The following ADCY10 variants were observed in gnomAD, a reference collection of about 807,000 sequenced individuals.
ADCY10 encodes adenylate cyclase 10.
A neutral mutation model predicts 183.3 loss-of-function variants in ADCY10; 156 were observed. The ratio of observed to expected loss-of-function variants is 0.85; its 90% CI spans 0.75 to 0.97. The LOEUF is 0.97. ADCY10 is among the 50% of genes least tolerant of loss of function. The probability of loss-of-function intolerance (pLI) is 0.00; values close to 1 mark genes in which losing one functional copy is unlikely to be tolerated. For missense variants in ADCY10, 1,745 were observed against 1,934.3 expected (o/e 0.90, Z 1.84); for synonymous variants, 645 against 670.0 (o/e 0.96, Z 0.58).
At chr1:167,846,284 A>G (rs1217768263) in intron 19 of ADCY10, 21 bp from the exon 20 acceptor site, 3 of 1,613,754 alleles carry the variant, frequency 1.9e-6, no homozygotes, top group African/African-American at 1.3e-5. Flanking sequence ...AAGGCCACAC[A>G]GTAGAAAACT....
At chr1:167,865,864 C>A (rs1049606122) in intron 14 of ADCY10, among the ~76,000 whole-genome samples, 6 of 152,174 alleles carry the variant, frequency 3.9e-5, no homozygotes, top group African/African-American at 1.4e-4. Context: ...GTCCACCAGG[C>A]GTGGGCTGCA....
intron 6 of ADCY10, among the ~76,000 whole-genome samples, 155 bp downstream of exon 6, chr1:167,899,268 C>T (rs879871040): frequency 2.0e-5 from 3 of 152,190 alleles, no homozygotes; most frequent in Non-Finnish European, 4.4e-5. Context: ...GAGGAGCTGC[C>T]CTGGACTAAA....
chr1:167,832,844 C>A, intron 25 of ADCY10, 143 bp downstream of exon 25: 1 of 823,720 alleles, frequency 1.2e-6, no homozygotes, highest in South Asian at 1.6e-5. Flanking sequence ...CCCACACTCG[C>A]CCCCTCCCCA....
At chr1:167,867,349 G>A (rs1029020304) in intron 14 of ADCY10, among the ~76,000 whole-genome samples, 3 of 152,086 alleles carry the variant, frequency 2.0e-5, no homozygotes, top group African/African-American at 7.2e-5. Flanking sequence ...AACTCATCAC[G>A]GGACTCATTT....
intron 32 of ADCY10, 101 bp downstream of exon 32, chr1:167,810,624 T>C: frequency 2.7e-6 from 3 of 1,097,070 alleles, no homozygotes; most frequent in Non-Finnish European, 4.1e-6. Context: ...TAAGATATTT[T>C]GTTAATGGCA....
chr1:167,904,520 C>G (rs1372644487), intron 2 of ADCY10: 5 of 258,476 alleles, frequency 1.9e-5, no homozygotes, highest in African/African-American at 2.2e-5. Context: ...CTTCCAAATT[C>G]TCAACTGTAC....
Position 167,899,446 on chromosome 1 carries a change from C to G in ADCY10, c.619G>C (p.Val207Leu). ...CDRSMIEIES[V>L]PDQRAVKVNF... ...ACCTTAACTGCTCTCTGATCTGGAA[C>G]ACTCTCAATTTCAATCATGCTCCGG... The change falls in exon 6 of 33, where the codon GTT becomes CTT. Residue 207 changes from valine to leucine, a missense_variant. Transcript: ENST00000367851. 6.2e-7 allele frequency: 1 copy of G among 1,614,214 alleles called. No individual in the cohort carries two copies. The highest frequency in any genetic ancestry group is 8.5e-7 in the Non-Finnish European group (1 of 1,180,040).
rs956009218 is a variant in ADCY10, at chr1:167,834,214, C to T, written c.3310-137G>A. ...ACCACCTCCACTTCCATCCCCAGCT[C>T]CACTGATTAAAATGGGCTTCCAAAT... On this transcript the variant is annotated intron_variant, in intron 23 of 32. Transcript: ENST00000367851. The T allele has an allele frequency of 1.3e-5, 9 of 713,764 alleles. No individual in the cohort carries two copies. The African/African-American group carries it at 1.6e-4, about 13-fold the overall frequency. 44.2% of individuals were successfully genotyped at this position (713,764 alleles called of 1,614,324 possible). A position where few individuals can be genotyped will look rare whatever the true frequency, so the allele number is the denominator to read the frequency against.
intron 14 of ADCY10, among the ~76,000 whole-genome samples, chr1:167,866,121 G>GGT (rs1182845778): frequency 1.3e-5 from 2 of 152,172 alleles, no homozygotes; most frequent in African/African-American, 4.8e-5. Context: ...GCGGATGTGT[G>GGT]GTGGTATTGT....
chr1:167,811,695 G>A (rs1662221791), intron 31 of ADCY10, among the ~76,000 whole-genome samples: 1 of 152,204 alleles, frequency 6.6e-6, no homozygotes, highest in African/African-American at 2.4e-5. Context: ...AGACTGGAGA[G>A]ACAAACAGAT....
At chr1:167,867,064 A>C (rs1006493739) in intron 14 of ADCY10, among the ~76,000 whole-genome samples, 1 of 152,232 alleles carries the variant, frequency 6.6e-6, no homozygotes, top group African/African-American at 2.4e-5. Flanking sequence ...TTGCTCTGTG[A>C]AAATCCCCAC....
chr1:167,850,930 A>G (rs1482735541), intron 18 of ADCY10, among the ~76,000 whole-genome samples: 1 of 152,120 alleles, frequency 6.6e-6, no homozygotes, highest in African/African-American at 2.4e-5. Context: ...AACAAACATT[A>G]AACAATAGAT....
intron 31 of ADCY10, among the ~76,000 whole-genome samples, chr1:167,811,437 A>T (rs1662199940): frequency 1.3e-5 from 2 of 152,108 alleles, no homozygotes; most frequent in Admixed American, 1.3e-4. Context: ...AAATACAAAA[A>T]TTAGCCAGGC....
At chr1:167,845,501 T>C in intron 21 of ADCY10, 62 bp downstream of exon 21, 1 of 1,569,900 alleles carries the variant, frequency 6.4e-7, no homozygotes, top group Non-Finnish European at 8.7e-7. Flanking sequence ...CCACTCCTTC[T>C]AGATCTTAGT....
chr1:167,840,367 A>ATTTTTTTTT (rs546653110), intron 21 of ADCY10, among the ~76,000 whole-genome samples: 4,400 of 147,442 alleles, frequency 0.03, 263 homozygotes, highest in African/African-American at 0.11. Flanking sequence ...TATTATTACT[A>ATTTTTTTTT]TTTTTTTTGG....
At chr1:167,837,160 T>C in intron 22 of ADCY10, 89 bp downstream of exon 22, 1 of 1,263,776 alleles carries the variant, frequency 7.9e-7, no homozygotes, top group Non-Finnish European at 1.2e-6. Flanking sequence ...AGGTCAAAAG[T>C]ACTGGCCAGA....
chr1:167,830,078 T>C (rs1051420824), intron 25 of ADCY10, among the ~76,000 whole-genome samples: 1 of 152,220 alleles, frequency 6.6e-6, no homozygotes, highest in Admixed American at 6.5e-5. Flanking sequence ...AGATAAAAAG[T>C]TAAGTATCTG....
intron 28 of ADCY10, among the ~76,000 whole-genome samples, chr1:167,823,717 C>G (rs550056383): frequency 1.2e-3 from 178 of 152,326 alleles, no homozygotes; most frequent in African/African-American, 3.9e-3. Context: ...AAATATACCT[C>G]TTAAACAGAT....
At chr1:167,873,937 A>G (rs982485121) in intron 13 of ADCY10, among the ~76,000 whole-genome samples, 4 of 152,240 alleles carry the variant, frequency 2.6e-5, no homozygotes, top group African/African-American at 9.6e-5. Context: ...CAGTAGAAAC[A>G]AATGACAAAG....
Sources: allele counts gnomAD v4.1 joint callset (sites outside exome capture counted in the v4.1 genomes callset), GRCh38; gene constraint gnomAD v4.1.1; transcripts MANE v1.5; gene names NCBI Gene and HGNC (gene_info 2026-07-23, HGNC 2026-07-21).